Variants in CTIF observed in about 807,000 individuals in gnomAD.
CTIF encodes the protein CBP80/20-dependent translation initiation factor.
In CTIF, 21 loss-of-function variants were observed where a neutral mutation model predicts 66.0. The observed-to-expected ratio is 0.32, with a 90% CI of 0.23 to 0.46. The LOEUF (loss-of-function observed/expected upper bound fraction) is 0.46, where lower values mean the gene tolerates loss of function less well. CTIF is among the 20% of genes least tolerant of loss of function. The probability of loss-of-function intolerance (pLI) is 1.00; values close to 1 mark genes in which losing one functional copy is unlikely to be tolerated. For synonymous variants in CTIF, 345 were observed against 326.4 expected (o/e 1.06, Z -0.62); for missense variants, 739 against 812.7 (o/e 0.91, Z 1.10).
intron 10 of CTIF, among the ~76,000 whole-genome samples, chr18:48,835,478 A>T (rs1380616211): frequency 6.6e-6 from 1 of 152,194 alleles, no homozygotes; most frequent in Non-Finnish European, 1.5e-5. Flanking sequence ...CTGAAATTGT[A>T]TGCAGACATC....
chr18:48,556,575 G>GT (rs893945821), intron 1 of CTIF, among the ~76,000 whole-genome samples: 23 of 152,192 alleles, frequency 1.5e-4, no homozygotes, highest in African/African-American at 5.3e-4. Flanking sequence ...GTGTTTGTTT[G>GT]TTTTTTTGAG....
intron 6 of CTIF, among the ~76,000 whole-genome samples, chr18:48,671,067 G>A (rs1026190253): frequency 6.6e-6 from 1 of 152,208 alleles, no homozygotes; most frequent in Non-Finnish European, 1.5e-5. Flanking sequence ...CTCTCTGCAG[G>A]TGAAGTGTCC....
chr18:48,801,520 T>G (rs1363624378), intron 9 of CTIF, among the ~76,000 whole-genome samples: 1 of 152,216 alleles, frequency 6.6e-6, no homozygotes, highest in Non-Finnish European at 1.5e-5. Context: ...TTAAAGACCA[T>G]CTGTGGCAAA....
chr18:48,859,407 A>G lies in CTIF; in HGVS notation c.1645A>G (p.Ser549Gly), dbSNP rs2069406568. 1 of 1,614,032 alleles carries G rather than the reference A, an allele frequency of 6.2e-7. No homozygotes were observed. The highest frequency in any genetic ancestry group is 1.3e-5 in the African/African-American group (1 of 74,942). The stretch of plus-strand genomic sequence containing the variant: ...TGAGATGATGACAGAGCTCCTGGCC[A>G]GCGCACGGGACAAGATGCTGTGCCC... ...LPEMMTELLA[S>G]ARDKMLCPSE... is the part of the protein sequence containing the mutation. Residue 549 changes from serine (S) to glycine (G), a missense_variant, in exon 12 of 12, where the codon AGC (serine) becomes GGC (glycine). Physicochemically the swap from Ser to Gly is moderately conservative, Grantham distance 56. Coordinates refer to ENST00000256413, the MANE Select transcript of CTIF (RefSeq NM_014772.3).
chr18:48,804,048 T>G (rs2068096182), intron 9 of CTIF, among the ~76,000 whole-genome samples: 1 of 152,062 alleles, frequency 6.6e-6, no homozygotes. Context: ...TAGTCTGAGA[T>G]GGTTTCTGTC....
At chr18:48,776,762 C>T (rs1309253244) in intron 9 of CTIF, among the ~76,000 whole-genome samples, 2 of 152,208 alleles carry the variant, frequency 1.3e-5, no homozygotes, top group Non-Finnish European at 2.9e-5. Context: ...GAACCCACTG[C>T]GGGTGGGAAG....
At chr18:48,629,598 A>C (rs2090665468) in intron 2 of CTIF, among the ~76,000 whole-genome samples, 1 of 151,696 alleles carries the variant, frequency 6.6e-6, no homozygotes, top group Non-Finnish European at 1.5e-5. Context: ...TTAAACCTAC[A>C]GCTCTTTCAG....
intron 1 of CTIF, among the ~76,000 whole-genome samples, chr18:48,599,223 T>C (rs1297985094): frequency 6.6e-6 from 1 of 151,988 alleles, no homozygotes; most frequent in African/African-American, 2.4e-5. Context: ...AGGCATGCCC[T>C]CCGTATGTCC....
chr18:48,724,147 T>G (rs1296768094), intron 7 of CTIF, among the ~76,000 whole-genome samples: 1 of 152,260 alleles, frequency 6.6e-6, no homozygotes, highest in East Asian at 1.9e-4. Flanking sequence ...CTGGATGGGG[T>G]TGCCCATTCT....
intron 7 of CTIF, among the ~76,000 whole-genome samples, chr18:48,713,343 C>A (rs887085220): frequency 1.3e-5 from 2 of 152,170 alleles, no homozygotes; most frequent in Admixed American, 6.5e-5. Context: ...TCTCTGCGCC[C>A]AGGCAATGGC....
chr18:48,598,942 G>A (rs1026004254), intron 1 of CTIF, among the ~76,000 whole-genome samples: 4 of 152,188 alleles, frequency 2.6e-5, no homozygotes, highest in African/African-American at 4.8e-5. Flanking sequence ...GCCCCTATAC[G>A]AGTGGAGCAG....
intron 6 of CTIF, among the ~76,000 whole-genome samples, chr18:48,683,442 G>T (rs778494117): frequency 1.3e-5 from 2 of 150,482 alleles, no homozygotes; most frequent in South Asian, 2.1e-4. Flanking sequence ...ATCATTTCCT[G>T]CCCCCGAGCC....
chr18:48,858,842 A>G (rs1188265301), intron 11 of CTIF, among the ~76,000 whole-genome samples: 2 of 152,184 alleles, frequency 1.3e-5, no homozygotes, highest in African/African-American at 2.4e-5. Context: ...GGATCAGGAG[A>G]AAAGGAGAGC....
chr18:48,790,175 T>G lies in CTIF; in HGVS notation c.1372-27046T>G, dbSNP rs113862992. On this transcript the variant is annotated intron_variant, in intron 9 of 11. Transcript: ENST00000256413. ...CTTTGGAGAAGGAAAGCCTAGAAGC[T>G]GAACCACCTTTCCAAAAAGGGAAAT... Among the ~76,000 whole-genome samples, 6 of 152,346 alleles carry G rather than the reference T, an allele frequency of 3.9e-5. 2 individuals are homozygous for G. Among genetic ancestry groups the G allele is most frequent in the African/African-American group, 1.4e-4 (6 of 41,580 alleles).
At chr18:48,565,813 T>A (rs556482946) in intron 1 of CTIF, 1 of 152,380 alleles carries the variant, frequency 6.6e-6, no homozygotes, top group South Asian at 2.1e-4. Context: ...CACCCTGCCA[T>A]GCAGATAAAT....
At chr18:48,734,073 G>T (rs1359884091) in intron 7 of CTIF, among the ~76,000 whole-genome samples, 1 of 152,176 alleles carries the variant, frequency 6.6e-6, no homozygotes, top group Non-Finnish European at 1.5e-5. Flanking sequence ...TTCTAACTCT[G>T]CTAAGCCTGC....
At chr18:48,765,965 T>A (rs1568200603) in intron 9 of CTIF, among the ~76,000 whole-genome samples, 2 of 151,828 alleles carry the variant, frequency 1.3e-5, no homozygotes, top group Non-Finnish European at 2.9e-5. Context: ...TTTCTTTTTT[T>A]TATATACTTT....
At chr18:48,566,689 G>A (rs937959517) in intron 1 of CTIF, 1 of 152,212 alleles carries the variant, frequency 6.6e-6, no homozygotes, top group African/African-American at 2.4e-5. Flanking sequence ...CTGTTGCAGA[G>A]GTGACAGCTA....
At chr18:48,730,606 CT>C (rs2092442919) in intron 7 of CTIF, among the ~76,000 whole-genome samples, 1 of 68,484 alleles carries the variant, frequency 1.5e-5, no homozygotes, top group African/African-American at 5.8e-5. Context: ...GGGGCTTCTG[CT>C]GTGTGAGGGG....
Sources: allele counts gnomAD v4.1 joint callset (sites outside exome capture counted in the v4.1 genomes callset), GRCh38; gene constraint gnomAD v4.1.1; transcripts MANE v1.5; gene names NCBI Gene and HGNC (gene_info 2026-07-23, HGNC 2026-07-21).